KMT2C: variants seen among roughly 807,000 people sequenced by gnomAD.
The protein encoded by KMT2C is histone-lysine N-methyltransferase 2C.
KMT2C carries 88 observed loss-of-function variants against 507.9 expected under a neutral mutation model. The ratio of observed to expected loss-of-function variants is 0.17; its 90% CI spans 0.15 to 0.21. KMT2C has a LOEUF of 0.21. Ranked by LOEUF, KMT2C falls within the 10% of genes least tolerant of loss-of-function variation. The probability of loss-of-function intolerance (pLI) is 1.00; values close to 1 mark genes in which losing one functional copy is unlikely to be tolerated. For missense variants in KMT2C, 4,954 were observed against 5,957.8 expected (o/e 0.83, Z 5.55); for synonymous variants, 2,049 against 2,080.8 (o/e 0.98, Z 0.42).
Position 152,136,649 on chromosome 7 carries a change from T to TG in KMT2C, c.*182dup. ...TCGGCCACTTCAGGAACGCTGCTTC[T>TG]GTCAGCTTCCTCCTGGCGCTGCTTT... On this transcript the variant is annotated 3_prime_UTR_variant, in exon 59 of 59. Coordinates refer to ENST00000262189, the MANE Select transcript of KMT2C (RefSeq NM_170606.3). 1 of 587,512 alleles carries TG rather than the reference T, an allele frequency of 1.7e-6. No homozygotes were observed. The highest frequency in any genetic ancestry group is 3.0e-6 in the Non-Finnish European group (1 of 329,440). The allele number at this position is 587,512 out of a possible 1,614,324, so 36.4% of individuals were successfully genotyped here.
chr7:152,284,059 CAAT>C (rs906806295), intron 6 of KMT2C, among the ~76,000 whole-genome samples: 7 of 152,092 alleles, frequency 4.6e-5, no homozygotes, highest in South Asian at 4.1e-4. Context: ...GAAACAAAAA[CAAT>C]AATCTTTTCT....
chr7:152,198,775 T>C (rs2094041737), intron 27 of KMT2C, among the ~76,000 whole-genome samples: 1 of 152,134 alleles, frequency 6.6e-6, no homozygotes, highest in Non-Finnish European at 1.5e-5. Flanking sequence ...TTAAACATCC[T>C]TCTATACACC....
intron 1 of KMT2C, chr7:152,368,801 T>C (rs2097268503): frequency 1.5e-6 from 1 of 672,334 alleles, no homozygotes; most frequent in East Asian, 2.7e-5. Flanking sequence ...TTATTTTTTC[T>C]TGTTTTTCTT....
chr7:152,421,836 C>T (rs1404459034), intron 1 of KMT2C, among the ~76,000 whole-genome samples: 1 of 152,012 alleles, frequency 6.6e-6, no homozygotes, highest in Non-Finnish European at 1.5e-5. Flanking sequence ...GCCTCAGCGA[C>T]ACGCAATGTG....
chr7:152,342,921 T>C (rs2097011810), intron 2 of KMT2C, among the ~76,000 whole-genome samples: 1 of 152,114 alleles, frequency 6.6e-6, no homozygotes, highest in Admixed American at 6.5e-5. Flanking sequence ...CTATCTAACT[T>C]TAGCCCATTC....
Position 152,181,079 on chromosome 7 carries a change from A to G in KMT2C, c.6781T>C (p.Leu2261=), listed in dbSNP as rs2129119627. 6.2e-7 allele frequency: 1 copy of G among 1,614,132 alleles called. No homozygotes were observed. Among genetic ancestry groups the G allele is most frequent in the African/African-American group, 1.3e-5 (1 of 75,020 alleles). Residue 2261 remains leucine, a synonymous_variant, in exon 36 of 59, where the codon TTA becomes CTA. Transcript: ENST00000262189. ...LQAAQNRGPA[L]PGPLVRPPDT... ...GGTGGCCTTACCAACGGGCCAGGTA[A>G]AGCTGGTCCTCGGTTTTGTGCTGCT...
chr7:152,158,756 C>T (rs1330461924), intron 44 of KMT2C, 107 bp downstream of exon 44: 21 of 963,216 alleles, frequency 2.2e-5, no homozygotes, highest in Non-Finnish European at 3.5e-5. Flanking sequence ...CTCAAGTGAT[C>T]CACCTGCCTC....
Position 152,148,924 on chromosome 7 carries a change from G to C in KMT2C, c.13003C>G (p.Leu4335Val), listed in dbSNP as rs2129095606. ...TCAAACCCACCATGGACAGCTCTTA[G>C]CCGAGGCTTCAGCTTGACTGTCACC... ...LKVTVKLKPR[L>V]RAVHGGFEDC... Residue 4335 changes from leucine (L) to valine (V), a missense_variant, in exon 52 of 59, where the codon CTA becomes GTA. By Grantham distance (32) the Leu-to-Val change is conservative (BLOSUM62 1). This residue lies in a region of KMT2C where 417 missense variants were observed against 461.1 expected (regional missense o/e 0.90). Coordinates refer to ENST00000262189, the MANE Select transcript of KMT2C (RefSeq NM_170606.3). This position sits in a 1 kb window ranked among gnomAD's most constrained non-coding sequence, Gnocchi z 7.1. 2 of 1,612,990 alleles carry C rather than the reference G, an allele frequency of 1.2e-6. No individual in the cohort carries two copies. Among genetic ancestry groups the C allele is most frequent in the Non-Finnish European group, 1.7e-6 (2 of 1,179,482 alleles).
Position 152,358,681 on chromosome 7 carries a change from GA to G in KMT2C, c.162-7del, listed in dbSNP as rs376309362. 41,046 of 1,208,910 alleles carry G rather than the reference GA, an allele frequency of 0.034. 17 individuals are homozygous for G. The highest frequency in any genetic ancestry group is 0.046 in the African/African-American group (2,662 of 58,256). 74.9% of individuals were successfully genotyped at this position (1,208,910 alleles called of 1,614,324 possible). ...TTTTCCCCCTACTTCGAGGTCTACA[GA>G]AAAAAAAAAAAATAATAAGTACATA... On this transcript the variant is annotated splice_region_variant and splice_polypyrimidine_tract_variant and intron_variant, in intron 1 of 58. Coordinates refer to ENST00000262189, the MANE Select transcript of KMT2C (RefSeq NM_170606.3).
In KMT2C at chr7:152,182,125, T is replaced by C. The variant is rs1239369275; in HGVS notation, c.5735A>G (p.His1912Arg). The change falls in exon 36 of 59, where the codon CAT becomes CGT. Residue 1912 changes from histidine to arginine, a missense_variant. Physicochemically the swap from His to Arg is conservative, Grantham distance 29. Transcript: ENST00000262189. Reference protein sequence around the residue: ...VGTPRPPPVGHSFSRRNSAAP... With the variant: ...VGTPRPPPVGRSFSRRNSAAP... ...AGCAGAATTTCTTCTGGAAAAACTA[T>C]GGCCCACAGGAGGTGGTCGAGGGGT... The C allele has an allele frequency of 6.2e-7, 1 of 1,614,220 alleles. No individual in the cohort carries two copies. The highest frequency in any genetic ancestry group is 2.2e-5 in the East Asian group (1 of 44,886).
chr7:152,145,941 C>T (rs971417360), intron 53 of KMT2C, among the ~76,000 whole-genome samples: 6 of 152,120 alleles, frequency 3.9e-5, no homozygotes, highest in East Asian at 3.8e-4. Context: ...TTAGGCAGGG[C>T]GATTCCAAAG....
At chr7:152,249,979 T>C (rs1379229238) in intron 12 of KMT2C, 26 bp from the exon 13 acceptor site, 7 of 1,472,586 alleles carry the variant, frequency 4.8e-6, no homozygotes, top group Non-Finnish European at 5.7e-6. Context: ...TTATAAAATC[T>C]CTAAGGAGTC....
At chr7:152,190,976 CTTTT>C (rs997734823) in intron 31 of KMT2C, among the ~76,000 whole-genome samples, 2 of 152,158 alleles carry the variant, frequency 1.3e-5, no homozygotes, top group Middle Eastern at 3.2e-3. Flanking sequence ...TCTCTCACCA[CTTTT>C]TTTACTTTCA....
intron 42 of KMT2C, among the ~76,000 whole-genome samples, chr7:152,164,840 A>G (rs2092659780): frequency 6.6e-6 from 1 of 152,254 alleles, no homozygotes; most frequent in African/African-American, 2.4e-5. Context: ...ACTACAGGCC[A>G]GATATCAATC....
chr7:152,388,121 A>T (rs1160126930), intron 1 of KMT2C, among the ~76,000 whole-genome samples: 1 of 149,080 alleles, frequency 6.7e-6, no homozygotes, highest in Non-Finnish European at 1.5e-5. Flanking sequence ...AATAAATAAA[A>T]ATAAAATAAA....
rs1589344666 is a variant in KMT2C at position 152,347,210 on chromosome 7, T to C, written c.250+11377A>G. On this transcript the variant is annotated intron_variant, in intron 2 of 58. Transcript: ENST00000262189. ...TGATACCATAAGTTTATGTCACCTG[T>C]TTACAAGACTGTCTACCTGAAATAG... 3.3e-5 allele frequency among the ~76,000 whole-genome samples: 5 copies of C among 152,354 alleles called. No homozygotes were observed. In the East Asian group the frequency reaches 9.6e-4, roughly 29 times the overall value.
At chr7:152,423,222 C>A (rs746074578) in intron 1 of KMT2C, among the ~76,000 whole-genome samples, 7 of 152,052 alleles carry the variant, frequency 4.6e-5, no homozygotes. Flanking sequence ...TGCCTGTAAT[C>A]CCAGCTACTT....
chr7:152,288,258 G>A (rs2096343207), intron 6 of KMT2C, among the ~76,000 whole-genome samples: 1 of 149,204 alleles, frequency 6.7e-6, no homozygotes, highest in Non-Finnish European at 1.5e-5. Flanking sequence ...AAGTGGCCAG[G>A]TGCGGTCGCT....
chr7:152,231,029 C>A (rs1244782309), intron 16 of KMT2C, among the ~76,000 whole-genome samples: 3 of 152,178 alleles, frequency 2.0e-5, no homozygotes, highest in African/African-American at 7.2e-5. Flanking sequence ...ATTGGTCAGG[C>A]TGGTCTCTAA....
Sources: allele counts gnomAD v4.1 joint callset (sites outside exome capture counted in the v4.1 genomes callset), GRCh38; gene constraint gnomAD v4.1.1; regional missense constraint gnomAD v4.1.1; non-coding constraint Gnocchi (gnomAD v3.1); transcripts MANE v1.5; gene names NCBI Gene and HGNC (gene_info 2026-07-23, HGNC 2026-07-21).